The following ROBO2 variants were observed in gnomAD, a reference collection of about 807,000 sequenced individuals.
The protein encoded by ROBO2 is roundabout guidance receptor 2.
ROBO2 carries 53 observed loss-of-function variants against 160.8 expected under a neutral mutation model. The observed-to-expected ratio is 0.33, with a 90% CI of 0.26 to 0.41. The LOEUF is 0.41. Among genes scored for constraint, ROBO2 ranks in the 10% least tolerant of loss-of-function variants. The pLI, the probability that ROBO2 is intolerant of heterozygous loss-of-function variation, is 1.00. For missense variants in ROBO2, 1,577 were observed against 1,722.4 expected, an observed-to-expected ratio of 0.92 and a Z score of 1.49; for synonymous variants, 664 against 611.7, an observed-to-expected ratio of 1.09 and a Z score of -1.26.
At chr3:76,770,189 T>C (rs1280745958) in intron 2 of ROBO2, among the ~76,000 whole-genome samples, 4 of 151,406 alleles carry the variant, frequency 2.6e-5, no homozygotes, top group African/African-American at 9.7e-5. Context: ...TATTTGCAGA[T>C]TTTGTGAAGT....
intron 2 of ROBO2, among the ~76,000 whole-genome samples, chr3:76,800,781 A>C (rs1259705409): frequency 6.6e-6 from 1 of 152,218 alleles, no homozygotes; most frequent in Non-Finnish European, 1.5e-5. Flanking sequence ...TCAGGCATGT[A>C]AATTAGTACA....
intron 2 of ROBO2, among the ~76,000 whole-genome samples, chr3:77,206,797 C>T (rs530384737): frequency 1.3e-5 from 2 of 152,046 alleles, no homozygotes; most frequent in South Asian, 2.1e-4. Context: ...TTCTAAATAA[C>T]GTTGCAATAT....
intron 2 of ROBO2, among the ~76,000 whole-genome samples, chr3:76,818,031 G>A (rs1226580814): frequency 6.6e-6 from 1 of 151,842 alleles, no homozygotes; most frequent in Non-Finnish European, 1.5e-5. Context: ...TGGGATTGTT[G>A]GATCAAGTGG....
intron 2 of ROBO2, among the ~76,000 whole-genome samples, chr3:76,459,980 G>A (rs1165233662): frequency 6.6e-6 from 1 of 152,064 alleles, no homozygotes; most frequent in Non-Finnish European, 1.5e-5. Context: ...AGAAGTATAT[G>A]AATGTAAGAA....
chr3:76,160,750 T>A (rs2072595951), intron 2 of ROBO2, among the ~76,000 whole-genome samples: 1 of 152,152 alleles, frequency 6.6e-6, no homozygotes, highest in African/African-American at 2.4e-5. Context: ...TGAGGTCTTA[T>A]CCTGAGTGCC....
chr3:77,570,021 G>C (rs1356129662), intron 13 of ROBO2, among the ~76,000 whole-genome samples: 1 of 151,904 alleles, frequency 6.6e-6, no homozygotes, highest in East Asian at 1.9e-4. Flanking sequence ...CAGTGGCACA[G>C]TAGGGGGTAT....
intron 2 of ROBO2, among the ~76,000 whole-genome samples, chr3:77,293,490 A>G (rs1181344728): frequency 6.7e-6 from 1 of 148,254 alleles, no homozygotes; most frequent in Non-Finnish European, 1.5e-5. Flanking sequence ...CTGAGGCTAG[A>G]TCACCCCAGA....
chr3:77,250,928 G>T (rs2090270530), intron 2 of ROBO2, among the ~76,000 whole-genome samples: 1 of 152,182 alleles, frequency 6.6e-6, no homozygotes, highest in South Asian at 2.1e-4. Context: ...CAACAGTGTT[G>T]TAGTGGAGAT....
At chr3:76,741,656 C>A (rs1256887337) in intron 2 of ROBO2, among the ~76,000 whole-genome samples, 1 of 151,892 alleles carries the variant, frequency 6.6e-6, no homozygotes, top group Non-Finnish European at 1.5e-5. Flanking sequence ...CTTGGTCAAG[C>A]TGAATTACAT....
chr3:76,744,098 G>A (rs2093845891), intron 2 of ROBO2, among the ~76,000 whole-genome samples: 1 of 152,162 alleles, frequency 6.6e-6, no homozygotes, highest in Non-Finnish European at 1.5e-5. Flanking sequence ...TCATACCAGA[G>A]TACCACTAGT....
At chr3:77,251,495 C>T (rs1052911497) in intron 2 of ROBO2, among the ~76,000 whole-genome samples, 1 of 152,124 alleles carries the variant, frequency 6.6e-6, no homozygotes, top group Admixed American at 6.5e-5. Context: ...TCAGAATTGC[C>T]TGATAAGATA....
At chr3:76,279,240 G>C (rs1708102195) in intron 2 of ROBO2, among the ~76,000 whole-genome samples, 1 of 151,568 alleles carries the variant, frequency 6.6e-6, no homozygotes, top group Non-Finnish European at 1.5e-5. Flanking sequence ...TATGTAATTA[G>C]ATAGATAAAC....
At chr3:77,110,490 G>A (rs1274597250) in intron 2 of ROBO2, among the ~76,000 whole-genome samples, 1 of 151,554 alleles carries the variant, frequency 6.6e-6, no homozygotes, top group Non-Finnish European at 1.5e-5. Context: ...TGAATCAAAG[G>A]AGGAAGCATA....
intron 2 of ROBO2, among the ~76,000 whole-genome samples, chr3:77,431,899 T>G (rs1403092103): frequency 1.3e-5 from 2 of 152,200 alleles, no homozygotes. Context: ...CACTGATGTT[T>G]CTCTGTCTTC....
intron 2 of ROBO2, among the ~76,000 whole-genome samples, chr3:76,395,720 A>G (rs904286296): frequency 1.3e-5 from 2 of 152,230 alleles, no homozygotes; most frequent in Non-Finnish European, 2.9e-5. Context: ...TAGAAAATCT[A>G]GAAGAAACAG....
At chr3:76,513,082 A>G (rs1490026751) in intron 2 of ROBO2, among the ~76,000 whole-genome samples, 1 of 152,220 alleles carries the variant, frequency 6.6e-6, no homozygotes, top group East Asian at 1.9e-4. Context: ...TCATGGTACT[A>G]CTACCTTAGA....
chr3:77,039,854 G>T (rs1414586442), upstream of ROBO2: 2 of 152,708 alleles, frequency 1.3e-5, no homozygotes, highest in Admixed American at 6.5e-5. Context: ...GGAAGCGGAC[G>T]CTCTGCTGCG....
At chr3:76,035,459 TAGA>T (rs1425643765) in intron 2 of ROBO2, among the ~76,000 whole-genome samples, 1 of 151,924 alleles carries the variant, frequency 6.6e-6, no homozygotes, top group Admixed American at 6.5e-5. Context: ...GAAGCATGAT[TAGA>T]AGGTGACTGT....
intron 2 of ROBO2, among the ~76,000 whole-genome samples, chr3:76,205,368 G>GA (rs1363147835): frequency 6.6e-6 from 1 of 152,004 alleles, no homozygotes; most frequent in African/African-American, 2.4e-5. Context: ...GTACCTTTTG[G>GA]AAAAGAGAAA....
Sources: gnomAD v4.1 joint callset for allele counts (sites outside exome capture counted in the v4.1 genomes callset) on GRCh38, gnomAD v4.1.1 for gene constraint, MANE v1.5 for transcripts, NCBI Gene and HGNC (gene_info 2026-07-23, HGNC 2026-07-21) for gene names.